LRMDA: variants seen among roughly 807,000 people sequenced by gnomAD.
LRMDA encodes the protein leucine rich melanocyte differentiation associated, also known as leucine-rich melanocyte differentiation-associated protein.
A neutral mutation model predicts 29.8 loss-of-function variants in LRMDA; 18 were observed. That is an observed-to-expected ratio of 0.60 (90% CI 0.42 to 0.90). LRMDA has a LOEUF of 0.90. Among genes scored for constraint, LRMDA ranks in the 40% least tolerant of loss-of-function variants. The pLI is 0.00. For synonymous variants in LRMDA, 125 were observed against 109.4 expected (o/e 1.14, Z -0.89); for missense variants, 273 against 273.9 (o/e 1.00, Z 0.02).
chr10:76,233,793 G>A (rs1589386934), intron 5 of LRMDA, among the ~76,000 whole-genome samples: 2 of 152,166 alleles, frequency 1.3e-5, no homozygotes, highest in African/African-American at 4.8e-5. Context: ...TCATGAAGTT[G>A]CAGCAATTCA....
intron 1 of LRMDA, among the ~76,000 whole-genome samples, chr10:75,433,794 C>T (rs1844233397): frequency 6.6e-6 from 1 of 152,054 alleles, no homozygotes; most frequent in Non-Finnish European, 1.5e-5. Flanking sequence ...TTTCCCATAT[C>T]CAGAGACCTA....
chr10:75,748,437 T>C (rs1245564439), intron 2 of LRMDA, among the ~76,000 whole-genome samples: 2 of 152,208 alleles, frequency 1.3e-5, no homozygotes, highest in East Asian at 3.8e-4. Context: ...TATCAAACTC[T>C]TTTTTCCTTA....
chr10:76,523,015 G>A (rs2579740), intron 6 of LRMDA, among the ~76,000 whole-genome samples: 38,941 of 152,028 alleles, frequency 0.26, 6,171 homozygotes, highest in Middle Eastern at 0.42. Flanking sequence ...GAGAAAAAGA[G>A]TTGCTGCCTT....
At chr10:76,158,989 T>C (rs990406848) in intron 5 of LRMDA, among the ~76,000 whole-genome samples, 13 of 151,982 alleles carry the variant, frequency 8.6e-5, no homozygotes, top group African/African-American at 3.1e-4. Context: ...GTTAAATGGA[T>C]CAAAAGGAAT....
intron 2 of LRMDA, among the ~76,000 whole-genome samples, chr10:75,872,446 G>A (rs902305992): frequency 2.0e-5 from 3 of 152,144 alleles, no homozygotes; most frequent in African/African-American, 7.2e-5. Flanking sequence ...TGGGACTACA[G>A]TTGTGTGCCA....
At chr10:75,828,667 G>T (rs1016558097) in intron 2 of LRMDA, among the ~76,000 whole-genome samples, 3 of 152,152 alleles carry the variant, frequency 2.0e-5, no homozygotes, top group Admixed American at 6.5e-5. Flanking sequence ...TTATGACGCT[G>T]CACACACAGC....
At chr10:76,381,613 G>A (rs895541159) in intron 6 of LRMDA, among the ~76,000 whole-genome samples, 2 of 151,896 alleles carry the variant, frequency 1.3e-5, no homozygotes, top group Non-Finnish European at 2.9e-5. Flanking sequence ...CCTCATATCC[G>A]GTAAGCATCT....
At chr10:75,463,743 C>A (rs991582689) in intron 2 of LRMDA, among the ~76,000 whole-genome samples, 8 of 152,156 alleles carry the variant, frequency 5.3e-5, no homozygotes, top group African/African-American at 1.9e-4. Context: ...TCTTGGCTCA[C>A]TGCAACCTTT....
chr10:75,929,885 G>A (rs1335527596), intron 2 of LRMDA, among the ~76,000 whole-genome samples: 1 of 152,308 alleles, frequency 6.6e-6, no homozygotes, highest in African/African-American at 2.4e-5. Context: ...TTGTGACAGA[G>A]TTGGGAGCCT....
chr10:75,801,514 T>A (rs1843743296), intron 2 of LRMDA, among the ~76,000 whole-genome samples: 1 of 152,270 alleles, frequency 6.6e-6, no homozygotes, highest in African/African-American at 2.4e-5. Flanking sequence ...CAGTGCCTTC[T>A]ATTAGTTGTT....
intron 2 of LRMDA, among the ~76,000 whole-genome samples, chr10:75,692,511 G>GTA (rs1842181100): frequency 6.7e-6 from 1 of 150,048 alleles, no homozygotes; most frequent in Non-Finnish European, 1.5e-5. Flanking sequence ...ATGTATACAT[G>GTA]TGTGTATACA....
At chr10:76,506,716 A>G (rs571708008) in intron 6 of LRMDA, among the ~76,000 whole-genome samples, 1 of 151,900 alleles carries the variant, frequency 6.6e-6, no homozygotes, top group African/African-American at 2.4e-5. Flanking sequence ...ATGAATTATA[A>G]CATACAATAT....
chr10:75,756,668 A>G (rs1843036272), intron 2 of LRMDA, among the ~76,000 whole-genome samples: 1 of 152,148 alleles, frequency 6.6e-6, no homozygotes, highest in Non-Finnish European at 1.5e-5. Context: ...CCATGTGTCC[A>G]TTTCTCCCCT....
intron 2 of LRMDA, among the ~76,000 whole-genome samples, chr10:75,893,614 C>A (rs997257769): frequency 6.6e-6 from 1 of 152,132 alleles, no homozygotes; most frequent in Non-Finnish European, 1.5e-5. Flanking sequence ...TGTGCCCAGC[C>A]CCAGACTCAT....
intron 6 of LRMDA, among the ~76,000 whole-genome samples, chr10:76,352,840 G>A (rs914288904): frequency 1.3e-5 from 2 of 152,070 alleles, no homozygotes; most frequent in African/African-American, 4.8e-5. Flanking sequence ...GGAAGGACCA[G>A]CCCCTGTGGC....
intron 2 of LRMDA, among the ~76,000 whole-genome samples, chr10:75,766,932 T>C (rs947246698): frequency 6.6e-6 from 1 of 152,204 alleles, no homozygotes; most frequent in South Asian, 2.1e-4. Context: ...CTGAGGATGA[T>C]GGTTTCCAGC....
chr10:75,751,253 G>T (rs1441807562), intron 2 of LRMDA, among the ~76,000 whole-genome samples: 1 of 152,076 alleles, frequency 6.6e-6, no homozygotes, highest in Non-Finnish European at 1.5e-5. Flanking sequence ...GCAGTGAGCC[G>T]AGATGGCGGC....
rs1233831582 is a variant in LRMDA at position 76,557,907 on chromosome 10, A to AAGGT, written c.*621_*624dup. On this transcript the variant is annotated 3_prime_UTR_variant, in exon 7 of 7. Coordinates refer to ENST00000611255, the MANE Select transcript of LRMDA (RefSeq NM_001305581.2). ...TTCAGTTTGCAGTTTTTCGGAGAAC[A>AAGGT]AGGTATAACTTCCCAGCCAGGTCAT... 1 of 152,330 alleles carries AAGGT rather than the reference A, an allele frequency of 6.6e-6. No homozygotes were observed. Among genetic ancestry groups the AAGGT allele is most frequent in the Non-Finnish European group, 1.5e-5 (1 of 68,146 alleles). 9.4% of individuals were successfully genotyped at this position (152,330 alleles called of 1,614,324 possible).
chr10:75,524,768 T>A (rs1381093555), intron 2 of LRMDA, among the ~76,000 whole-genome samples: 3 of 152,232 alleles, frequency 2.0e-5, no homozygotes, highest in Non-Finnish European at 4.4e-5. Flanking sequence ...TCTTATTTTT[T>A]TGGTCTTTCT....
Sources: allele counts gnomAD v4.1 joint callset (sites outside exome capture counted in the v4.1 genomes callset), GRCh38; gene constraint gnomAD v4.1.1; transcripts MANE v1.5; gene names NCBI Gene and HGNC (gene_info 2026-07-23, HGNC 2026-07-21).